CEP95: variants seen among roughly 807,000 people sequenced by gnomAD.
The protein encoded by CEP95 is centrosomal protein of 95 kDa.
CEP95 carries 98 observed loss-of-function variants against 111.2 expected under a neutral mutation model. The ratio of observed to expected loss-of-function variants is 0.88; its 90% CI spans 0.75 to 1.04. CEP95 has a LOEUF of 1.04. Among genes scored for constraint, CEP95 ranks in the 50% least tolerant of loss-of-function variants. The probability of loss-of-function intolerance (pLI) is 0.00; values close to 1 mark genes in which losing one functional copy is unlikely to be tolerated. For synonymous variants in CEP95, 323 were observed against 327.1 expected, an observed-to-expected ratio of 0.99 and a Z score of 0.14; for missense variants, 1,027 against 977.2, an observed-to-expected ratio of 1.05 and a Z score of -0.68.
intron 8 of CEP95, among the ~76,000 whole-genome samples, chr17:64,523,336 C>G (rs1028010961): frequency 1.3e-5 from 2 of 152,112 alleles, no homozygotes; most frequent in Non-Finnish European, 1.5e-5. Flanking sequence ...ACAGCAATTA[C>G]AGAGTCAGGA....
In CEP95 at chr17:64,534,575, C is replaced by CAA; in HGVS notation, c.1918-10_1918-9insAA. Reference sequence around the variant, plus strand: ...TTACCCTTCTCTTCCCTCCCCTTTCCCTTTCTTAGCAAGACTTCAAGGACT... The same window carrying CAA: ...TTACCCTTCTCTTCCCTCCCCTTTCCAACTTTCTTAGCAAGACTTCAAGGACT... On this transcript the variant is annotated splice_polypyrimidine_tract_variant and intron_variant, in intron 16 of 19. Transcript: ENST00000556440. 1 of 1,613,020 alleles carries CAA rather than the reference C, an allele frequency of 6.2e-7. No homozygotes were observed. Among genetic ancestry groups the CAA allele is most frequent in the Non-Finnish European group, 8.5e-7 (1 of 1,179,202 alleles).
rs535593506 is a variant in CEP95 at position 64,532,125 on chromosome 17, C to CGAAGAAAGTTT, written c.1672+104_1672+114dup. ...TGAAAGCTAACATCCACCAGTTAGC[C>CGAAGAAAGTTT]GAAGAAAGTTTTTTTTTTTTCCCAA... On this transcript the variant is annotated intron_variant, in intron 14 of 19. Transcript: ENST00000556440. 3,259 of 1,366,012 alleles carry CGAAGAAAGTTT rather than the reference C, an allele frequency of 2.4e-3. 5 individuals carry two copies. Among genetic ancestry groups the CGAAGAAAGTTT allele is most frequent in the Middle Eastern group, 8.0e-3 (41 of 5,124 alleles). 84.6% of individuals were successfully genotyped at this position (1,366,012 alleles called of 1,614,324 possible).
chr17:64,534,466 C>T, intron 16 of CEP95, 119 bp from the exon 17 acceptor site: 1 of 878,754 alleles, frequency 1.1e-6, no homozygotes, highest in South Asian at 1.7e-5. Context: ...GGCCACTGGC[C>T]CCCCACACGT....
At position 64,534,663 on chromosome 17, in the gene CEP95, G is replaced by A; in HGVS notation, c.1996G>A (p.Ala666Thr). The A allele has an allele frequency of 6.2e-7, 1 of 1,613,692 alleles. No individual in the cohort carries two copies. The highest frequency in any genetic ancestry group is 8.5e-7 in the Non-Finnish European group (1 of 1,179,746). ...AGAAAATCGACAGCAAATCGTTCGT[G>A]CTCGAAAATATTATGATGATTATAG... ...IKENRQQIVRARKYYDDYRVQ... is the reference protein window; with the variant it reads ...IKENRQQIVRTRKYYDDYRVQ... The change falls in exon 17 of 20, where the codon GCT (alanine) becomes ACT (threonine). Residue 666 changes from alanine (A) to threonine (T), a missense_variant. Transcript: ENST00000556440.
chr17:64,522,943 T>G, intron 8 of CEP95, 48 bp downstream of exon 8: 4 of 1,409,682 alleles, frequency 2.8e-6, no homozygotes, highest in Non-Finnish European at 2.0e-6. Flanking sequence ...CACTTGTATG[T>G]ATGTCTGTGT....
chr17:64,515,059 A>T (rs1329865700), intron 4 of CEP95, among the ~76,000 whole-genome samples: 3 of 152,210 alleles, frequency 2.0e-5, no homozygotes, highest in African/African-American at 7.2e-5. Context: ...GTCTTTAGTT[A>T]GAGATAGTTT....
chr17:64,513,405 A>G (rs1555675573), intron 3 of CEP95, among the ~76,000 whole-genome samples: 1 of 152,208 alleles, frequency 6.6e-6, no homozygotes, highest in Non-Finnish European at 1.5e-5. Flanking sequence ...TTCAGGTGAC[A>G]TTAAATATGT....
At chr17:64,516,675 G>A (rs1555676321) in intron 4 of CEP95, 48 bp from the exon 5 acceptor site, 7 of 1,141,326 alleles carry the variant, frequency 6.1e-6, no homozygotes, top group Non-Finnish European at 7.7e-6. Context: ...AGAAAAAGTA[G>A]TATTCACTTA....
At position 64,507,129 on chromosome 17, in the gene CEP95, C is replaced by T. The variant is rs568354831; in HGVS notation, c.19+13C>T. On this transcript the variant is annotated intron_variant, in intron 1 of 19. Coordinates refer to ENST00000556440, the MANE Select transcript of CEP95 (RefSeq NM_138363.3). ...GGCTCGGATGCTGGTGAGTGTCTCC[C>T]TGGGGTCCCAGTATGTGTGGACTGA... 16 of 1,551,500 alleles carry T rather than the reference C, an allele frequency of 1.0e-5. No individual in the cohort carries two copies. The highest frequency in any genetic ancestry group is 6.8e-5 in the African/African-American group (5 of 73,174).
At chr17:64,533,245 C>CT in intron 16 of CEP95, 54 bp downstream of exon 16, 1 of 1,427,878 alleles carries the variant, frequency 7.0e-7, no homozygotes, top group South Asian at 1.3e-5. Flanking sequence ...TATTCATTCC[C>CT]TTTATCTGTG....
chr17:64,528,119 G>T (rs1006076282), intron 11 of CEP95, among the ~76,000 whole-genome samples: 3 of 152,090 alleles, frequency 2.0e-5, no homozygotes, highest in African/African-American at 7.2e-5. Context: ...CGTATCAGCA[G>T]TTTCTGGTTT....
rs750184995 is a variant in CEP95 at position 64,508,610 on chromosome 17, A to G, written c.38A>G (p.Asn13Ser). 11 of 1,423,934 alleles carry G rather than the reference A, an allele frequency of 7.7e-6. No homozygotes were observed. The highest frequency in any genetic ancestry group is 5.5e-5 in the East Asian group (2 of 36,576). 88.2% of individuals were successfully genotyped at this position (1,423,934 alleles called of 1,614,324 possible). ...GSDAEWVTIA[N>S]NLLFKCHIHL... ...CCAACAGAGTGGGTAACCATTGCCA[A>G]TAACCTTCTTTTTAAGTGTCATATA... The change falls in exon 2 of 20, where the codon AAT (asparagine) becomes AGT (serine). Residue 13 changes from asparagine to serine, a missense_variant. By Grantham distance (46) the Asn-to-Ser change is conservative (BLOSUM62 1). Coordinates refer to ENST00000556440, the MANE Select transcript of CEP95 (RefSeq NM_138363.3).
At chr17:64,536,540 T>TAC in intron 17 of CEP95, 62 bp from the exon 18 acceptor site, 1 of 1,262,202 alleles carries the variant, frequency 7.9e-7, no homozygotes, top group South Asian at 1.4e-5. Context: ...AATCAGTATA[T>TAC]ACCTCTAGTT....
intron 5 of CEP95, 39 bp downstream of exon 5, chr17:64,516,867 AC>A (rs1555676427): frequency 8.1e-7 from 1 of 1,235,630 alleles, no homozygotes; most frequent in East Asian, 2.3e-5. Flanking sequence ...AAAACAAGTT[AC>A]GCTTTTTGGA....
At chr17:64,511,395 G>C (rs552576154) in intron 3 of CEP95, among the ~76,000 whole-genome samples, 53 of 152,322 alleles carry the variant, frequency 3.5e-4, no homozygotes, top group African/African-American at 1.3e-3. Flanking sequence ...CTGCCCCCAG[G>C]CGTGTATTCT....
chr17:64,531,812 AGTAT>A, intron 13 of CEP95, 74 bp from the exon 14 acceptor site: 1 of 1,049,618 alleles, frequency 9.5e-7, no homozygotes, highest in Non-Finnish European at 1.3e-6. Context: ...TGTTTTTGTC[AGTAT>A]GTAATATTTA....
rs1966892743 is a variant in CEP95, at chr17:64,516,823, T to C, written c.468T>C (p.Phe156=). 6.3e-7 allele frequency: 1 copy of C among 1,583,556 alleles called. No homozygotes were observed. ...AATCATCATGGAAAAGAGTTTCTTT[T>C]GGGAGGTAGCACTTAGTGTCTCTGA... ...ESKSSWKRVS[F]GRCSLSSEML... is the part of the protein sequence containing the mutation. Residue 156 remains phenylalanine (F), a synonymous_variant, in exon 5 of 20, where the codon TTT becomes TTC. Transcript: ENST00000556440.
intron 11 of CEP95, 37 bp downstream of exon 11, chr17:64,527,301 A>G: frequency 6.5e-7 from 1 of 1,540,698 alleles, no homozygotes; most frequent in Non-Finnish European, 8.8e-7. Flanking sequence ...GGGGACATCC[A>G]TGTGAACTAC....
At chr17:64,526,253 T>G in intron 10 of CEP95, 53 bp downstream of exon 10, 1 of 1,504,192 alleles carries the variant, frequency 6.6e-7, no homozygotes, top group Non-Finnish European at 8.9e-7. Flanking sequence ...AAGTGAGCAT[T>G]TAAGTAATCT....
Sources: gnomAD v4.1 joint callset for allele counts (sites outside exome capture counted in the v4.1 genomes callset) on GRCh38, gnomAD v4.1.1 for gene constraint, MANE v1.5 for transcripts, NCBI Gene and HGNC (gene_info 2026-07-23, HGNC 2026-07-21) for gene names.